Variants in SAMD4A observed in about 807,000 individuals in gnomAD.
The protein encoded by SAMD4A is protein Smaug homolog 1.
Under a neutral mutation model 81.3 loss-of-function variants are expected in SAMD4A, and 33 were observed. That is an observed-to-expected ratio of 0.41 (90% CI 0.31 to 0.54). SAMD4A has a LOEUF of 0.54. Ranked by LOEUF, SAMD4A falls within the 20% of genes least tolerant of loss-of-function variation. The pLI, the probability that SAMD4A is intolerant of heterozygous loss-of-function variation, is 0.37. For synonymous variants in SAMD4A, 389 were observed against 382.1 expected (o/e 1.02, Z -0.21); for missense variants, 854 against 951.1 (o/e 0.90, Z 1.34).
intron 2 of SAMD4A, among the ~76,000 whole-genome samples, chr14:54,604,159 C>T (rs1172526036): frequency 2.0e-5 from 3 of 152,170 alleles, no homozygotes; most frequent in Non-Finnish European, 4.4e-5. Context: ...CCTTAGCTCA[C>T]CCTTGCTGAG....
chr14:54,731,902 G>C (rs192038444), intron 3 of SAMD4A, among the ~76,000 whole-genome samples: 22 of 152,322 alleles, frequency 1.4e-4, no homozygotes, highest in African/African-American at 5.1e-4. Flanking sequence ...AGTTTCAGCA[G>C]CTTCAGCTTC....
intron 3 of SAMD4A, among the ~76,000 whole-genome samples, chr14:54,730,200 C>T (rs1017777855): frequency 2.6e-5 from 4 of 152,200 alleles, no homozygotes; most frequent in East Asian, 1.9e-4. Flanking sequence ...CAAGGACTCA[C>T]GGTACTAGGA....
intron 2 of SAMD4A, among the ~76,000 whole-genome samples, chr14:54,587,167 G>C (rs1372190669): frequency 1.3e-5 from 2 of 152,012 alleles, no homozygotes; most frequent in African/African-American, 4.8e-5. Context: ...ATATTCCTAA[G>C]CATTTTATTT....
At chr14:54,784,848 G>A (rs1444192355) in intron 12 of SAMD4A, among the ~76,000 whole-genome samples, 4 of 152,182 alleles carry the variant, frequency 2.6e-5, no homozygotes, top group Non-Finnish European at 4.4e-5. Flanking sequence ...TCTGGGAGGT[G>A]AGTCAGGGAC....
chr14:54,631,355 TA>T (rs2034900717), intron 2 of SAMD4A, among the ~76,000 whole-genome samples: 2 of 152,198 alleles, frequency 1.3e-5, no homozygotes, highest in Non-Finnish European at 2.9e-5. Flanking sequence ...CATAGCTCAG[TA>T]AAGTTGACAC....
chr14:54,666,330 A>C (rs1566574046), intron 2 of SAMD4A, among the ~76,000 whole-genome samples: 1 of 152,206 alleles, frequency 6.6e-6, no homozygotes, highest in Non-Finnish European at 1.5e-5. Flanking sequence ...ATATTAGGGC[A>C]GGCTTAGTGA....
At chr14:54,594,615 G>C (rs2140196511) in intron 2 of SAMD4A, among the ~76,000 whole-genome samples, 1 of 152,188 alleles carries the variant, frequency 6.6e-6, no homozygotes, top group South Asian at 2.1e-4. Flanking sequence ...AGGTGTAAAA[G>C]CCCAAATTTT....
intron 6 of SAMD4A, among the ~76,000 whole-genome samples, chr14:54,757,996 C>T (rs2038290462): frequency 6.6e-6 from 1 of 152,202 alleles, no homozygotes; most frequent in Non-Finnish European, 1.5e-5. Flanking sequence ...TGGGAAAGGG[C>T]CGGGTCTACC....
At chr14:54,621,682 CATAAGCAT>C (rs2034621495) in intron 2 of SAMD4A, among the ~76,000 whole-genome samples, 1 of 152,156 alleles carries the variant, frequency 6.6e-6, no homozygotes, top group Non-Finnish European at 1.5e-5. Flanking sequence ...TTTTGATGTA[CATAAGCAT>C]TCCCATATTC....
chr14:54,722,228 T>C (rs1430477030), intron 3 of SAMD4A, among the ~76,000 whole-genome samples: 1 of 152,174 alleles, frequency 6.6e-6, no homozygotes, highest in Non-Finnish European at 1.5e-5. Context: ...CCATAATATG[T>C]CTCAGGTGGT....
chr14:54,584,485 T>C (rs1034763042), intron 2 of SAMD4A, among the ~76,000 whole-genome samples: 1 of 152,164 alleles, frequency 6.6e-6, no homozygotes, highest in Non-Finnish European at 1.5e-5. Context: ...TTTTCTTTGA[T>C]CTCAAATCCA....
intron 3 of SAMD4A, among the ~76,000 whole-genome samples, chr14:54,736,452 C>T (rs1446221409): frequency 2.6e-5 from 4 of 152,188 alleles, no homozygotes; most frequent in African/African-American, 9.7e-5. Flanking sequence ...AGTACTGGGG[C>T]CCTTGCTGAG....
At chr14:54,694,927 G>C (rs1319801406) in intron 2 of SAMD4A, 3 of 985,286 alleles carry the variant, frequency 3.0e-6, no homozygotes, top group Non-Finnish European at 3.6e-6. Context: ...CTCTGGAAAG[G>C]TAAAGGGCTC....
intron 2 of SAMD4A, among the ~76,000 whole-genome samples, chr14:54,600,471 A>T (rs537230980): frequency 1.3e-5 from 2 of 152,246 alleles, no homozygotes; most frequent in Non-Finnish European, 2.9e-5. Context: ...TCAACAGAAT[A>T]TAATTTCTTT....
At chr14:54,729,452 G>A (rs2037505088) in intron 3 of SAMD4A, among the ~76,000 whole-genome samples, 1 of 152,096 alleles carries the variant, frequency 6.6e-6, no homozygotes, top group Admixed American at 6.6e-5. Context: ...TTACAGATAC[G>A]TGGGAACATT....
At chr14:54,713,356 C>T (rs777573073) in intron 3 of SAMD4A, among the ~76,000 whole-genome samples, 1 of 152,158 alleles carries the variant, frequency 6.6e-6, no homozygotes, top group Non-Finnish European at 1.5e-5. Flanking sequence ...CAGCTCTCAA[C>T]ATTCTATTAG....
chr14:54,585,672 ATGAG>A (rs2033596072), intron 2 of SAMD4A, among the ~76,000 whole-genome samples: 1 of 152,114 alleles, frequency 6.6e-6, no homozygotes, highest in African/African-American at 2.4e-5. Flanking sequence ...ACTCCCACAT[ATGAG>A]TGAGAACATA....
chr14:54,740,801 G>C (rs1207567770), intron 4 of SAMD4A, among the ~76,000 whole-genome samples: 1 of 152,122 alleles, frequency 6.6e-6, no homozygotes, highest in Non-Finnish European at 1.5e-5. Flanking sequence ...TACTCTCAAA[G>C]GATTAATGAC....
intron 2 of SAMD4A, among the ~76,000 whole-genome samples, chr14:54,661,693 C>T (rs986931449): frequency 2.0e-5 from 3 of 152,116 alleles, no homozygotes; most frequent in African/African-American, 7.2e-5. Flanking sequence ...CCGACTATTC[C>T]CGGATATCTG....
Sources: allele counts gnomAD v4.1 joint callset (sites outside exome capture counted in the v4.1 genomes callset), GRCh38; gene constraint gnomAD v4.1.1; transcripts MANE v1.5; gene names NCBI Gene and HGNC (gene_info 2026-07-23, HGNC 2026-07-21).